PDE10A: variants seen among roughly 807,000 people sequenced by gnomAD.
PDE10A encodes the protein cAMP and cAMP-inhibited cGMP 3',5'-cyclic phosphodiesterase 10A.
PDE10A carries 39 observed loss-of-function variants against 97.7 expected under a neutral mutation model. That is an observed-to-expected ratio of 0.40 (90% CI 0.31 to 0.52). The LOEUF (loss-of-function observed/expected upper bound fraction) is 0.52. Among genes scored for constraint, PDE10A ranks in the 20% least tolerant of loss-of-function variants. The pLI is 0.56. For missense variants in PDE10A, 731 were observed against 1,047.8 expected (o/e 0.70, Z 4.17); for synonymous variants, 371 against 376.8 (o/e 0.98, Z 0.18).
chr6:165,945,663 C>T (rs1352641844), intron 1 of PDE10A, among the ~76,000 whole-genome samples: 1 of 152,284 alleles, frequency 6.6e-6, no homozygotes, highest in Admixed American at 6.5e-5. Context: ...AGAGAAACTG[C>T]CAGCACCTTG....
intron 1 of PDE10A, among the ~76,000 whole-genome samples, chr6:165,581,361 C>CATGAAT: frequency 6.6e-6 from 1 of 152,144 alleles, no homozygotes; most frequent in Non-Finnish European, 1.5e-5. Flanking sequence ...GAGAGTAGAG[C>CATGAAT]CCTCACTGAC....
At chr6:165,788,347 AT>A (rs1778550839) in intron 1 of PDE10A, among the ~76,000 whole-genome samples, 1 of 151,772 alleles carries the variant, frequency 6.6e-6, no homozygotes, top group Admixed American at 6.6e-5. Flanking sequence ...GAGAAACCTC[AT>A]CTCTACTAAA....
chr6:165,691,075 T>TCTCTC (rs1562686771), intron 1 of PDE10A, among the ~76,000 whole-genome samples: 29 of 50,420 alleles, frequency 5.8e-4, no homozygotes, highest in African/African-American at 2.3e-3. Flanking sequence ...CTCTCTCTCT[T>TCTCTC]TCTCTCTCTC....
intron 1 of PDE10A, among the ~76,000 whole-genome samples, chr6:165,643,870 G>T (rs1055501422): frequency 1.3e-5 from 2 of 152,034 alleles, no homozygotes; most frequent in African/African-American, 4.8e-5. Context: ...ATGATAAGTG[G>T]GTTAAGTGAT....
intron 2 of PDE10A, among the ~76,000 whole-genome samples, chr6:165,533,408 G>A (rs1235871024): frequency 6.6e-6 from 1 of 152,144 alleles, no homozygotes; most frequent in Non-Finnish European, 1.5e-5. Context: ...TGTACAGCAT[G>A]TGACTGTACT....
chr6:165,648,344 C>A (rs895646452), intron 1 of PDE10A, among the ~76,000 whole-genome samples: 1 of 152,022 alleles, frequency 6.6e-6, no homozygotes, highest in Non-Finnish European at 1.5e-5. Flanking sequence ...ATCAGACCAT[C>A]CACTGTTTCT....
chr6:165,861,798 C>T (rs1780913235), intron 1 of PDE10A, among the ~76,000 whole-genome samples: 1 of 152,128 alleles, frequency 6.6e-6, no homozygotes, highest in Non-Finnish European at 1.5e-5. Context: ...TGTGCCACTC[C>T]AGAAACAGGA....
chr6:165,914,004 C>T (rs767081117), intron 1 of PDE10A, among the ~76,000 whole-genome samples: 1 of 152,218 alleles, frequency 6.6e-6, no homozygotes, highest in Non-Finnish European at 1.5e-5. Flanking sequence ...CCAAAAATTT[C>T]AATATTCTAA....
chr6:165,801,818 G>C (rs918027883), intron 1 of PDE10A, among the ~76,000 whole-genome samples: 2 of 152,124 alleles, frequency 1.3e-5, no homozygotes, highest in African/African-American at 4.8e-5. Flanking sequence ...TGAGAGAGTG[G>C]TGCAGGAGAG....
intron 2 of PDE10A, among the ~76,000 whole-genome samples, chr6:165,540,927 G>A (rs1783401267): frequency 6.6e-6 from 1 of 152,146 alleles, no homozygotes; most frequent in East Asian, 1.9e-4. Flanking sequence ...ACCACGCCCA[G>A]AGAACAGGAC....
intron 12 of PDE10A, 91 bp downstream of exon 12, chr6:165,416,098 C>T (rs747646401): frequency 2.4e-4 from 195 of 807,616 alleles, no homozygotes; most frequent in Non-Finnish European, 3.7e-4. Flanking sequence ...TGAATTGGGA[C>T]GTGGAGAACT....
At chr6:165,694,564 G>C (rs1475043174) in intron 1 of PDE10A, among the ~76,000 whole-genome samples, 1 of 152,232 alleles carries the variant, frequency 6.6e-6, no homozygotes, top group Non-Finnish European at 1.5e-5. Flanking sequence ...GCGGTGTCGG[G>C]AGACCGGGAC....
At chr6:165,970,447 C>T (rs1784633968) in intron 1 of PDE10A, among the ~76,000 whole-genome samples, 1 of 151,768 alleles carries the variant, frequency 6.6e-6, no homozygotes, top group Non-Finnish European at 1.5e-5. Context: ...ATGGTTCAGA[C>T]AAAAAAATTT....
At position 165,395,278 on chromosome 6, in the gene PDE10A, AG is replaced by A; in HGVS notation, c.2220-15del. 1.9e-6 allele frequency: 3 copies of A among 1,573,214 alleles called. No individual in the cohort carries two copies. The South Asian group carries it at 3.3e-5, about 17-fold the overall frequency. Reference sequence around the variant, plus strand: ...TCAAAGTGGAATCTGAAATTTTAAAAGGGCAGTTTATCACTAAACGTGATTA... The same window carrying A: ...TCAAAGTGGAATCTGAAATTTTAAAAGGCAGTTTATCACTAAACGTGATTA... On this transcript the variant is annotated splice_polypyrimidine_tract_variant and intron_variant, in intron 14 of 21. Coordinates refer to ENST00000539869, the MANE Select transcript of PDE10A (RefSeq NM_001385079.1).
intron 1 of PDE10A, among the ~76,000 whole-genome samples, chr6:165,816,206 C>A (rs1395494727): frequency 6.6e-6 from 1 of 152,172 alleles, no homozygotes; most frequent in Non-Finnish European, 1.5e-5. Context: ...GCCTTGGCCT[C>A]CCAAAGTGCT....
chr6:165,927,005 C>A (rs1782954999), intron 1 of PDE10A, among the ~76,000 whole-genome samples: 1 of 132,594 alleles, frequency 7.5e-6, no homozygotes, highest in Non-Finnish European at 1.5e-5. Context: ...TATGTTCTCA[C>A]TTATAAGTGG....
chr6:165,729,050 A>C (rs547917583), intron 1 of PDE10A, among the ~76,000 whole-genome samples: 13 of 152,194 alleles, frequency 8.5e-5, no homozygotes, highest in Non-Finnish European at 1.6e-4. Context: ...GCAACAAAAA[A>C]CATTAGTGTG....
At chr6:165,855,308 G>GC (rs1422786930) in intron 1 of PDE10A, among the ~76,000 whole-genome samples, 1 of 45,184 alleles carries the variant, frequency 2.2e-5, no homozygotes, top group Non-Finnish European at 7.1e-5. Context: ...GAAGTGGCGG[G>GC]GGGGGGGGGG....
chr6:165,661,874 T>C lies in PDE10A; in HGVS notation c.865+73A>G, dbSNP rs6456003. 2.8e-6 allele frequency: 2 copies of C among 714,426 alleles called. No homozygotes were observed. The highest frequency in any genetic ancestry group is 6.3e-5 in the East Asian group (2 of 31,582). The allele number at this position is 714,426 out of a possible 1,614,324, so 44.3% of individuals were successfully genotyped here. ...TCGACACCCGCTTCCCACCCAGCAG[T>C]CCAAGCCCCCCACCTGCCCCCAGGG... On this transcript the variant is annotated intron_variant, in intron 1 of 21. Transcript: ENST00000539869. This position sits in a 1 kb window ranked among gnomAD's most constrained non-coding sequence, Gnocchi z 4.8.
Sources: gnomAD v4.1 joint callset for allele counts (sites outside exome capture counted in the v4.1 genomes callset) on GRCh38, gnomAD v4.1.1 for gene constraint, Gnocchi (gnomAD v3.1) non-coding constraint, MANE v1.5 for transcripts, NCBI Gene and HGNC (gene_info 2026-07-23, HGNC 2026-07-21) for gene names.